SORBS2: variants seen among roughly 807,000 people sequenced by gnomAD.
SORBS2 encodes the protein sorbin and SH3 domain-containing protein 2.
SORBS2 carries 46 observed loss-of-function variants against 97.7 expected under a neutral mutation model. The ratio of observed to expected loss-of-function variants is 0.47; its 90% CI spans 0.37 to 0.60. The LOEUF is 0.60. Ranked by LOEUF, SORBS2 falls within the 20% of genes least tolerant of loss-of-function variation. The pLI, the probability that SORBS2 is intolerant of heterozygous loss-of-function variation, is 0.00. For synonymous variants in SORBS2, 476 were observed against 473.4 expected (o/e 1.01, Z -0.07); for missense variants, 1,316 against 1,282.3 (o/e 1.03, Z -0.40).
intron 2 of SORBS2, among the ~76,000 whole-genome samples, chr4:185,756,746 TG>T (rs2153604903): frequency 6.8e-6 from 1 of 147,770 alleles, no homozygotes; most frequent in East Asian, 2.0e-4. Context: ...TTTAATTCTA[TG>T]GTATAACAAA....
At chr4:185,813,958 A>G (rs1203474966) in intron 1 of SORBS2, among the ~76,000 whole-genome samples, 3 of 152,136 alleles carry the variant, frequency 2.0e-5, no homozygotes, top group Admixed American at 2.0e-4. Flanking sequence ...CATGCTTGGA[A>G]TATTCTAATT....
At position 185,638,132 on chromosome 4, in the gene SORBS2, A is replaced by T. The variant is rs1291530084; in HGVS notation, c.397-7534T>A. 7 of 1,611,862 alleles carry T rather than the reference A, an allele frequency of 4.3e-6. No homozygotes were observed. In the South Asian group the frequency reaches 7.7e-5, roughly 18 times the overall value. On this transcript the variant is annotated intron_variant, in intron 4 of 14. Transcript: ENST00000418609. ...AATTTATACCAGGGCTCATTTTCTA[A>T]ATCTATGTCATCTGGATTTATGCGA...
At chr4:185,591,015 G>A (rs935241855) in intron 13 of SORBS2, among the ~76,000 whole-genome samples, 3 of 151,992 alleles carry the variant, frequency 2.0e-5, no homozygotes, top group African/African-American at 4.8e-5. Flanking sequence ...CTACCGCTCC[G>A]GAACAAGAAT....
upstream of SORBS2, among the ~76,000 whole-genome samples, chr4:185,657,841 T>C (rs1248053257): frequency 6.6e-6 from 1 of 152,152 alleles, no homozygotes; most frequent in African/African-American, 2.4e-5. Flanking sequence ...ATTTGTTAAA[T>C]GACTGTGTGG....
At chr4:185,708,086 G>T (rs1393571273) in intron 2 of SORBS2, among the ~76,000 whole-genome samples, 1 of 152,130 alleles carries the variant, frequency 6.6e-6, no homozygotes, top group Non-Finnish European at 1.5e-5. Context: ...AGTGTTAAGG[G>T]CACAGTGGGT....
At chr4:185,842,351 G>C (rs1046830051) in intron 1 of SORBS2, among the ~76,000 whole-genome samples, 4 of 152,218 alleles carry the variant, frequency 2.6e-5, no homozygotes, top group Admixed American at 6.5e-5. Flanking sequence ...CATGTGACTA[G>C]AGCAGAGTGG....
intron 2 of SORBS2, among the ~76,000 whole-genome samples, chr4:185,709,694 T>C (rs889678537): frequency 1.3e-5 from 2 of 152,012 alleles, no homozygotes; most frequent in African/African-American, 2.4e-5. Context: ...CTCATTTGCT[T>C]TTTGAAGTTG....
At chr4:185,599,920 C>T (rs899677972) in intron 12 of SORBS2, among the ~76,000 whole-genome samples, 2 of 152,146 alleles carry the variant, frequency 1.3e-5, no homozygotes, top group African/African-American at 4.8e-5. Flanking sequence ...AGGATGCCTG[C>T]CACAAAGTGG....
At chr4:185,847,849 T>C (rs1227529758) in intron 1 of SORBS2, among the ~76,000 whole-genome samples, 1 of 152,184 alleles carries the variant, frequency 6.6e-6, no homozygotes, top group Non-Finnish European at 1.5e-5. Flanking sequence ...GATTGAGATT[T>C]TTCTGCTATC....
rs193207139 is a variant in SORBS2, at chr4:185,605,725, T to C, written c.2796+6055A>G. Among the ~76,000 whole-genome samples the C allele has an allele frequency of 8.1e-3, 1,234 of 151,976 alleles. 17 individuals are homozygous for C. Among genetic ancestry groups the C allele is most frequent in the African/African-American group, 0.028 (1,163 of 41,476 alleles). On this transcript the variant is annotated intron_variant, in intron 12 of 14. Coordinates refer to ENST00000418609, the Ensembl canonical transcript of SORBS2. The stretch of plus-strand genomic sequence containing the variant: ...TCAGCCTCCCGAGTAGCTGGGATTG[T>C]AGGCACCCACCACCACGCCTGGCTA...
Position 185,623,957 on chromosome 4 carries a change from T to C in SORBS2, c.1172A>G (p.Lys391Arg), listed in dbSNP as rs932341203. 5 of 1,614,202 alleles carry C rather than the reference T, an allele frequency of 3.1e-6. No individual in the cohort carries two copies. The South Asian group carries it at 4.4e-5, about 14-fold the overall frequency. The change falls in exon 7 of 15, where the codon AAG becomes AGG. Residue 391 changes from lysine (K) to arginine (R), a missense_variant. Transcript: ENST00000418609. This position sits in a 1 kb window ranked among gnomAD's most constrained non-coding sequence, Gnocchi z 6.4. ...CTGGCTCCAGGCGCGCAGCAGGTCC[T>C]TGTGCTGCTGCTCGCTCTCGTACTG...
intron 1 of SORBS2, among the ~76,000 whole-genome samples, chr4:185,952,212 G>A (rs2099277549): frequency 6.6e-6 from 1 of 152,116 alleles, no homozygotes; most frequent in South Asian, 2.1e-4. Flanking sequence ...ATTTTTAGTA[G>A]AGACAGGGTT....
At chr4:185,625,394 T>C (rs1266407914) in intron 6 of SORBS2, among the ~76,000 whole-genome samples, 1 of 151,364 alleles carries the variant, frequency 6.6e-6, no homozygotes, top group Non-Finnish European at 1.5e-5. Flanking sequence ...TTATATCTAA[T>C]AGGACATTTT....
intron 4 of SORBS2, among the ~76,000 whole-genome samples, chr4:185,637,147 C>T (rs930952469): frequency 6.6e-6 from 1 of 152,180 alleles, no homozygotes; most frequent in East Asian, 1.9e-4. Flanking sequence ...TGCATAATGA[C>T]GTTTCCGTCA....
chr4:185,751,325 T>A (rs1300870158), intron 2 of SORBS2, among the ~76,000 whole-genome samples: 1 of 151,874 alleles, frequency 6.6e-6, no homozygotes, highest in African/African-American at 2.4e-5. Flanking sequence ...AATCAAGAGA[T>A]GAGGAAGACC....
upstream of SORBS2, among the ~76,000 whole-genome samples, chr4:185,659,449 C>T (rs904474787): frequency 6.8e-6 from 1 of 147,246 alleles, no homozygotes; most frequent in Admixed American, 6.7e-5. Flanking sequence ...CGGAGTCTTG[C>T]TCAGTCACCC....
chr4:185,736,488 G>T (rs1214396321), intron 2 of SORBS2, among the ~76,000 whole-genome samples: 1 of 152,190 alleles, frequency 6.6e-6, no homozygotes, highest in African/African-American at 2.4e-5. Context: ...AGGAAGAGAA[G>T]GCAGATTGTC....
At chr4:185,662,829 T>C (rs957670858) in intron 4 of SORBS2, among the ~76,000 whole-genome samples, 1 of 152,228 alleles carries the variant, frequency 6.6e-6, no homozygotes, top group African/African-American at 2.4e-5. Flanking sequence ...GTTCAACCAC[T>C]GGCTTCTCCC....
intron 13 of SORBS2, chr4:185,591,839 C>T (rs1327699799): frequency 6.6e-6 from 1 of 152,212 alleles, no homozygotes; most frequent in Non-Finnish European, 1.5e-5. Flanking sequence ...CAGACTCCTG[C>T]TTCATTTTTG....
Sources: allele counts gnomAD v4.1 joint callset (sites outside exome capture counted in the v4.1 genomes callset), GRCh38; gene constraint gnomAD v4.1.1; non-coding constraint Gnocchi (gnomAD v3.1); transcripts MANE v1.5; gene names NCBI Gene and HGNC (gene_info 2026-07-23, HGNC 2026-07-21).